Variants in BAIAP2 observed in about 807,000 individuals in gnomAD.
BAIAP2 encodes BAR/IMD domain containing adaptor protein 2, also known as BAR/IMD domain-containing adapter protein 2.
A neutral mutation model predicts 63.0 loss-of-function variants in BAIAP2; 18 were observed. The observed-to-expected ratio is 0.29, with a 90% CI of 0.20 to 0.42. BAIAP2 has a LOEUF of 0.42. BAIAP2 is among the 10% of genes least tolerant of loss of function. The pLI, the probability that BAIAP2 is intolerant of heterozygous loss-of-function variation, is 1.00. For missense variants in BAIAP2, 610 were observed against 734.3 expected (o/e 0.83, Z 1.96); for synonymous variants, 386 against 307.6 (o/e 1.25, Z -2.67).
At chr17:81,036,889 C>T (rs560242138) in intron 1 of BAIAP2, 6 of 1,535,824 alleles carry the variant, frequency 3.9e-6, no homozygotes, top group Admixed American at 2.0e-5. Flanking sequence ...ACCAGCGGAA[C>T]CTTTTTCCTA....
At position 81,109,396 on chromosome 17, in the gene BAIAP2, G is replaced by GAAAA. The variant is rs1568193293; in HGVS notation, c.1535+891_1535+894dup. The GAAAA allele has an allele frequency of 6.3e-5, 51 of 807,094 alleles. 1 individual carries two copies. Among genetic ancestry groups the GAAAA allele is most frequent in the East Asian group, 1.4e-4 (1 of 7,290 alleles). 50.0% of individuals were successfully genotyped at this position (807,094 alleles called of 1,614,324 possible). A position where few individuals can be genotyped will look rare whatever the true frequency, so the allele number is the denominator to read the frequency against. Reference sequence around the variant, plus strand: ...TTAAAAAAAAAAAAAAAAAAAAAAAGAAAAAAAGAAAAACAGGAAAAAGGA... The same window carrying GAAAA: ...TTAAAAAAAAAAAAAAAAAAAAAAAGAAAAAAAAAAAGAAAAACAGGAAAAAGGA... On this transcript the variant is annotated intron_variant, in intron 13 of 13. Transcript: ENST00000428708.
chr17:81,113,898 C>T (rs998841964), intron 13 of BAIAP2, among the ~76,000 whole-genome samples: 17 of 151,222 alleles, frequency 1.1e-4, no homozygotes, highest in Admixed American at 4.6e-4. Flanking sequence ...GAGAACCACG[C>T]GGCTGCACTG....
chr17:81,104,996 G>A (rs904381632), intron 10 of BAIAP2: 30 of 366,586 alleles, frequency 8.2e-5, no homozygotes, highest in African/African-American at 5.2e-4. Context: ...TCCCCCCAAC[G>A]GCAGGGATCT....
At chr17:81,109,776 G>T in intron 13 of BAIAP2, 1 of 985,446 alleles carries the variant, frequency 1.0e-6, no homozygotes. Flanking sequence ...CCAGCTGGCC[G>T]CACACGGACA....
chr17:81,061,243 A>C (rs1025437868), intron 3 of BAIAP2, among the ~76,000 whole-genome samples: 4 of 152,216 alleles, frequency 2.6e-5, no homozygotes, highest in African/African-American at 9.7e-5. Context: ...AAACTCATGT[A>C]CGGTGTTATC....
intron 3 of BAIAP2, among the ~76,000 whole-genome samples, chr17:81,077,385 G>T (rs1436039632): frequency 6.6e-6 from 1 of 152,018 alleles, no homozygotes. Context: ...TGGCCAACAC[G>T]GTGAAACCCC....
At position 81,081,978 on chromosome 17, in the gene BAIAP2, C is replaced by G. The variant is rs117037839; in HGVS notation, c.218-2854C>G. On this transcript the variant is annotated intron_variant, in intron 3 of 13. Transcript: ENST00000428708. ...GCTGGGGCTGGCATCCGTGGAGGTA[C>G]TGGGTGTGCCAGGGCGCGTCTTAGG... Among the ~76,000 whole-genome samples the G allele has an allele frequency of 2.1e-3, 320 of 152,270 alleles. 4 individuals are homozygous for G. Among genetic ancestry groups the G allele is most frequent in the East Asian group, 0.013 (69 of 5,168 alleles).
At chr17:81,035,464 C>T (rs1044757853) in intron 1 of BAIAP2, among the ~76,000 whole-genome samples, 156 bp downstream of exon 1, 8 of 148,490 alleles carry the variant, frequency 5.4e-5, no homozygotes, top group Admixed American at 1.3e-4. Context: ...ACCCGGGACC[C>T]GGGCTGCTGG....
rs1168660668 is a variant in BAIAP2, at chr17:81,107,010, G to T, written c.1500+103G>T. The T allele has an allele frequency of 5.2e-6, 7 of 1,356,256 alleles. No homozygotes were observed. In the African/African-American group the frequency reaches 8.9e-5, roughly 17 times the overall value. 84.0% of individuals were successfully genotyped at this position (1,356,256 alleles called of 1,614,324 possible). A position where few individuals can be genotyped will look rare whatever the true frequency, so the allele number is the denominator to read the frequency against. On this transcript the variant is annotated intron_variant, in intron 12 of 13. Transcript: ENST00000428708. ...TCCGCTGAGGGGCGGGGCGCCTGGG[G>T]GTCTGGGTCTTTGGACAGCCCTGGG...
intron 5 of BAIAP2, among the ~76,000 whole-genome samples, chr17:81,086,172 C>T (rs931947274): frequency 2.0e-5 from 3 of 149,274 alleles, no homozygotes; most frequent in Non-Finnish European, 4.4e-5. Context: ...GGGTGGGCCT[C>T]GGCCACTTTT....
At chr17:81,090,827 C>T (rs2056602724) in intron 6 of BAIAP2, among the ~76,000 whole-genome samples, 1 of 152,170 alleles carries the variant, frequency 6.6e-6, no homozygotes, top group African/African-American at 2.4e-5. Flanking sequence ...CTGCTCCAGG[C>T]CCCTTGCCCC....
In BAIAP2 at chr17:81,086,566, G is replaced by T; in HGVS notation, c.475G>T (p.Asp159Tyr). Residue 159 changes from aspartate to tyrosine, a missense_variant, in exon 6 of 14, where the codon GAC becomes TAC. Physicochemically the swap from Asp to Tyr is radical, Grantham distance 160. Coordinates refer to ENST00000428708, the MANE Select transcript of BAIAP2 (RefSeq NM_001144888.2). ...QGSKNPQKYS[D>Y]KELQYIDAIS... The stretch of plus-strand genomic sequence containing the variant: ...CAGCAAGAATCCTCAGAAGTACTCG[G>T]ACAAGGAGCTGCAGGTAGGCCCGCC... 6.2e-7 allele frequency: 1 copy of T among 1,613,402 alleles called. No individual in the cohort carries two copies. Among genetic ancestry groups the T allele is most frequent in the South Asian group, 1.1e-5 (1 of 91,072 alleles).
At position 81,108,465 on chromosome 17, in the gene BAIAP2, C is replaced by T. The variant is rs750446785; in HGVS notation, c.1501-10C>T. ...CACCCGGCCTGACATGTTTCTGCCT[C>T]TGCCCCCAGGGCCTGGATGACTATG... On this transcript the variant is annotated splice_polypyrimidine_tract_variant and intron_variant, in intron 12 of 13. Coordinates refer to ENST00000428708, the MANE Select transcript of BAIAP2 (RefSeq NM_001144888.2). 13 of 1,613,676 alleles carry T rather than the reference C, an allele frequency of 8.1e-6. No homozygotes were observed. In the African/African-American group the frequency reaches 1.5e-4, roughly 18 times the overall value.
chr17:81,106,813 C>A lies in BAIAP2; in HGVS notation c.1406C>A (p.Pro469His), dbSNP rs745605178. 1.2e-6 allele frequency: 2 copies of A among 1,612,340 alleles called. No individual in the cohort carries two copies. Among genetic ancestry groups the A allele is most frequent in the Middle Eastern group, 1.7e-4 (1 of 6,058 alleles). Residue 469 changes from proline (P) to histidine (H), a missense_variant, in exon 12 of 14, where the codon CCC becomes CAC. Physicochemically the swap from Pro to His is moderately conservative, Grantham distance 77. Transcript: ENST00000428708. Reference sequence around the variant, plus strand: ...AAGGACGACCTGGCCATCCCACCCCCCGATTACGGCGCCGCCTCCCGGGCC... The same window carrying A: ...AAGGACGACCTGGCCATCCCACCCCACGATTACGGCGCCGCCTCCCGGGCC... ...LDKDDLAIPP[P>H]DYGAASRAFP... is the part of the protein sequence containing the mutation.
At chr17:81,045,335 G>A (rs142732501) in intron 1 of BAIAP2, among the ~76,000 whole-genome samples, 309 of 152,316 alleles carry the variant, frequency 2.0e-3, no homozygotes, top group African/African-American at 6.9e-3. Context: ...GGGAATGGCC[G>A]TGTGGCCCTT....
intron 7 of BAIAP2, among the ~76,000 whole-genome samples, chr17:81,101,903 C>G (rs1441052039): frequency 6.6e-6 from 1 of 152,258 alleles, no homozygotes; most frequent in African/African-American, 2.4e-5. Flanking sequence ...CTCCCGCCTG[C>G]TAGACCCAGG....
intron 3 of BAIAP2, among the ~76,000 whole-genome samples, chr17:81,059,889 G>A (rs1038709699): frequency 6.6e-6 from 1 of 152,200 alleles, no homozygotes; most frequent in Non-Finnish European, 1.5e-5. Flanking sequence ...AGGGGTGGGT[G>A]GGTCCGAAAT....
chr17:81,079,737 T>C (rs2054279113), intron 3 of BAIAP2, among the ~76,000 whole-genome samples: 1 of 152,238 alleles, frequency 6.6e-6, no homozygotes, highest in Non-Finnish European at 1.5e-5. Flanking sequence ...GCTCATGTGC[T>C]GTGTGCCCTG....
At chr17:81,056,946 G>GCGTT (rs2049687894) in intron 2 of BAIAP2, among the ~76,000 whole-genome samples, 1 of 152,206 alleles carries the variant, frequency 6.6e-6, no homozygotes, top group South Asian at 2.1e-4. Context: ...TTTTTCTTTT[G>GCGTT]TTCGAGGCAG....
Sources: allele counts gnomAD v4.1 joint callset (sites outside exome capture counted in the v4.1 genomes callset), GRCh38; gene constraint gnomAD v4.1.1; transcripts MANE v1.5; gene names NCBI Gene and HGNC (gene_info 2026-07-23, HGNC 2026-07-21).